ZNF469: variants seen among roughly 807,000 people sequenced by gnomAD.
ZNF469 encodes the protein zinc finger protein 469.
A neutral mutation model predicts 1.0 loss-of-function variants in ZNF469; 1 was observed. The ratio of observed to expected loss-of-function variants is 1.00; its 90% confidence interval spans 0.35 to 4.73. The LOEUF (loss-of-function observed/expected upper bound fraction) is 4.73. Among genes scored for constraint, ZNF469 ranks in the 30% most tolerant of loss-of-function variants. The pLI is 0.16. For missense variants in ZNF469, 6,100 were observed against 5,356.3 expected (o/e 1.14, Z -4.33); for synonymous variants, 2,703 against 2,363.4 (o/e 1.14, Z -4.17).
the ZNF469 span, among the ~76,000 whole-genome samples, chr16:88,325,882 C>G: frequency 4.2e-4 from 64 of 152,376 alleles, no homozygotes; most frequent in African/African-American, 1.4e-3. Flanking sequence ...GCTCTGCCCC[C>G]TTAGACCTGA....
the ZNF469 span, among the ~76,000 whole-genome samples, chr16:88,213,245 C>T: frequency 6.6e-6 from 1 of 152,014 alleles, no homozygotes; most frequent in Non-Finnish European, 1.5e-5. Context: ...ACTACAGGCG[C>T]CCGCCACCAC....
the ZNF469 span, among the ~76,000 whole-genome samples, chr16:88,263,440 G>A: frequency 2.6e-5 from 4 of 152,198 alleles, no homozygotes; most frequent in Non-Finnish European, 4.4e-5. Context: ...GGCCGCTCGC[G>A]GGAAGAGGTC....
In ZNF469 at chr16:88,440,640, A is replaced by G. The variant is rs1183074043; in HGVS notation, c.*1308A>G. The stretch of plus-strand genomic sequence containing the variant: ...GCCTCTCTGGAAGGTGTTGTAGGCC[A>G]TTCAAAACGCCTCCGGAGTGTCGCA... On this transcript the variant is annotated 3_prime_UTR_variant, in exon 3 of 3. Coordinates refer to ENST00000565624, the MANE Select transcript of ZNF469 (RefSeq NM_001367624.2). 2 of 152,198 alleles carry G rather than the reference A, an allele frequency of 1.3e-5. No individual in the cohort carries two copies. The highest frequency in any genetic ancestry group is 4.8e-5 in the African/African-American group (2 of 41,444). The allele number at this position is 152,198 out of a possible 1,614,324, so 9.4% of individuals were successfully genotyped here. A position where few individuals can be genotyped will look rare whatever the true frequency, so the allele number is the denominator to read the frequency against.
chr16:88,283,964 T>A, the ZNF469 span, among the ~76,000 whole-genome samples: 1 of 109,376 alleles, frequency 9.1e-6, no homozygotes, highest in African/African-American at 3.7e-5. Flanking sequence ...GTGCCCAAGG[T>A]CTGTGGAGGC....
At chr16:88,192,994 G>GTGGGGA in the ZNF469 span, among the ~76,000 whole-genome samples, 1 of 123,080 alleles carries the variant, frequency 8.1e-6, no homozygotes, top group Admixed American at 7.9e-5. Context: ...GGTGATGGTG[G>GTGGGGA]TGGTGGTGAT....
chr16:88,384,502 C>T (rs949289977), intron 1 of ZNF469, among the ~76,000 whole-genome samples: 18 of 152,216 alleles, frequency 1.2e-4, no homozygotes, highest in African/African-American at 4.1e-4. Context: ...CAGCCAGGCA[C>T]CCTCGGAGGA....
At chr16:88,239,696 TATATATATATATATATA>T in the ZNF469 span, among the ~76,000 whole-genome samples, 2 of 6,594 alleles carry the variant, frequency 3.0e-4, no homozygotes, top group African/African-American at 1.5e-3. Flanking sequence ...TATATATATA[TATATATATATATATATA>T]TATTTTTTTT....
At chr16:88,403,845 C>T (rs1233980158) in intron 1 of ZNF469, among the ~76,000 whole-genome samples, 2 of 152,216 alleles carry the variant, frequency 1.3e-5, no homozygotes, top group African/African-American at 4.8e-5. Context: ...GCCCCCTCCC[C>T]TCAGTCCCAG....
chr16:88,373,427 G>A, the ZNF469 span, among the ~76,000 whole-genome samples: 1 of 152,176 alleles, frequency 6.6e-6, no homozygotes, highest in East Asian at 1.9e-4. Context: ...AGACAGCTGG[G>A]CTGTCCCTGT....
the ZNF469 span, among the ~76,000 whole-genome samples, chr16:88,255,084 T>C: frequency 6.6e-6 from 1 of 152,248 alleles, no homozygotes. Context: ...ATATGGGCTG[T>C]GCTCTCAAAT....
chr16:88,431,971 T>A lies in ZNF469; in HGVS notation c.4501T>A (p.Phe1501Ile). The A allele has an allele frequency of 6.5e-7, 1 of 1,549,612 alleles. No individual in the cohort carries two copies. The change falls in exon 3 of 3, where the codon TTT (phenylalanine) becomes ATT (isoleucine). Residue 1501 changes from phenylalanine (F) to isoleucine (I), a missense_variant. Coordinates refer to ENST00000565624, the MANE Select transcript of ZNF469 (RefSeq NM_001367624.2). Reference sequence around the variant, plus strand: ...GCCGTCAGATCCACCGTACCCCTCTTTTTTGCTGCTTGAGGAAGTATCCCC... The same window carrying A: ...GCCGTCAGATCCACCGTACCCCTCTATTTTGCTGCTTGAGGAAGTATCCCC... Reference protein sequence around the residue: ...TVPSDPPYPSFLLLEEVSPML... With the variant: ...TVPSDPPYPSILLLEEVSPML...
chr16:88,312,551 T>A, the ZNF469 span, among the ~76,000 whole-genome samples: 234 of 152,376 alleles, frequency 1.5e-3, no homozygotes, highest in African/African-American at 5.5e-3. Context: ...TGGTCACATA[T>A]ACCCACCTCC....
the ZNF469 span, among the ~76,000 whole-genome samples, chr16:88,186,500 C>T: frequency 6.6e-6 from 1 of 152,104 alleles, no homozygotes; most frequent in Admixed American, 6.5e-5. Flanking sequence ...CTTGGCAGGT[C>T]GCGTCCTCCC....
At chr16:88,371,945 T>C in the ZNF469 span, among the ~76,000 whole-genome samples, 48 of 135,182 alleles carry the variant, frequency 3.6e-4, 1 homozygote, top group East Asian at 0.011. Context: ...ACCACCATCA[T>C]CACCATCACC....
chr16:88,352,217 A>G, the ZNF469 span, among the ~76,000 whole-genome samples: 2 of 152,200 alleles, frequency 1.3e-5, no homozygotes, highest in African/African-American at 4.8e-5. Flanking sequence ...GCACAATGCC[A>G]TGGACAACTC....
chr16:88,433,925 C>T lies in ZNF469; in HGVS notation c.6455C>T (p.Ala2152Val). 1 of 1,549,632 alleles carries T rather than the reference C, an allele frequency of 6.5e-7. No individual in the cohort carries two copies. The change falls in exon 3 of 3, where the codon GCA becomes GTA. Residue 2152 changes from alanine to valine, a missense_variant. Physicochemically the swap from Ala to Val is moderately conservative, Grantham distance 64. Coordinates refer to ENST00000565624, the MANE Select transcript of ZNF469 (RefSeq NM_001367624.2). ...AQGGLGGQLP[A>V]SPSCRDPPGP... Reference sequence around the variant, plus strand: ...GGTGGGCTGGGGGGGCAGCTGCCAGCATCTCCGTCCTGCAGGGACCCTCCC... The same window carrying T: ...GGTGGGCTGGGGGGGCAGCTGCCAGTATCTCCGTCCTGCAGGGACCCTCCC...
the ZNF469 span, among the ~76,000 whole-genome samples, chr16:88,301,298 G>T: frequency 6.6e-6 from 1 of 152,006 alleles, no homozygotes; most frequent in African/African-American, 2.4e-5. Flanking sequence ...GGGACTACAG[G>T]TGCCCGCTAC....
chr16:88,260,129 C>T, the ZNF469 span, among the ~76,000 whole-genome samples: 19 of 149,198 alleles, frequency 1.3e-4, no homozygotes, highest in Non-Finnish European at 2.5e-4. This position sits in a 1 kb window ranked among gnomAD's most constrained non-coding sequence, Gnocchi z 4.1. Flanking sequence ...AGGCGCACAC[C>T]ACCACGCCCT....
the ZNF469 span, among the ~76,000 whole-genome samples, chr16:88,213,425 T>G: frequency 6.6e-6 from 1 of 152,184 alleles, no homozygotes; most frequent in African/African-American, 2.4e-5. Flanking sequence ...AGTAGTTTTT[T>G]TATAGAAGAA....
Sources: gnomAD v4.1 joint callset for allele counts (sites outside exome capture counted in the v4.1 genomes callset) on GRCh38, gnomAD v4.1.1 for gene constraint, Gnocchi (gnomAD v3.1) non-coding constraint, MANE v1.5 for transcripts, NCBI Gene and HGNC (gene_info 2026-07-23, HGNC 2026-07-21) for gene names.